The following KCNQ1 variants were observed in gnomAD, a reference collection of about 807,000 sequenced individuals.
KCNQ1 encodes the protein potassium voltage-gated channel subfamily Q member 1.
In KCNQ1, 49 loss-of-function variants were observed where a neutral mutation model predicts 72.4. The observed-to-expected ratio is 0.68, with a 90% CI of 0.54 to 0.86. The LOEUF is 0.86. KCNQ1 is among the 40% of genes least tolerant of loss of function. KCNQ1 has a pLI of 0.00. For synonymous variants in KCNQ1, 450 were observed against 412.6 expected (o/e 1.09, Z -1.10); for missense variants, 790 against 945.1 (o/e 0.84, Z 2.15).
Position 2,710,691 on chromosome 11 carries a change from A to G in KCNQ1, c.1514+48610A>G, listed in dbSNP as rs948678046. Reference sequence around the variant, plus strand: ...TAGGGGTCTAACTTTATTCTTTGTCATGTGGATAGACAGTTATCCCAACAC... The same window carrying G: ...TAGGGGTCTAACTTTATTCTTTGTCGTGTGGATAGACAGTTATCCCAACAC... On this transcript the variant is annotated intron_variant, in intron 11 of 15. Coordinates refer to ENST00000155840, the MANE Select transcript of KCNQ1 (RefSeq NM_000218.3). The surrounding 1 kb of genome is among the most constrained non-coding windows in gnomAD (Gnocchi z 4.1). 1.1e-4 allele frequency among the ~76,000 whole-genome samples: 17 copies of G among 152,314 alleles called. No homozygotes were observed. Among genetic ancestry groups the G allele is most frequent in the South Asian group, 6.2e-4 (3 of 4,830 alleles).
chr11:2,681,767 G>A (rs2133881617), intron 11 of KCNQ1: 1 of 398,510 alleles, frequency 2.5e-6, no homozygotes, highest in Admixed American at 4.4e-5. Context: ...TGGGGGCCCT[G>A]GGACCTGGGA....
At chr11:2,455,593 G>T (rs1261210746) in intron 1 of KCNQ1, among the ~76,000 whole-genome samples, 2 of 152,250 alleles carry the variant, frequency 1.3e-5, no homozygotes, top group African/African-American at 4.8e-5. Context: ...AACATTCCAT[G>T]CTGATGGGTT....
rs539557242 is a variant in KCNQ1 at position 2,550,833 on chromosome 11, C to T, written c.478-19795C>T. 1.8e-4 allele frequency among the ~76,000 whole-genome samples: 27 copies of T among 152,058 alleles called. No individual in the cohort carries two copies. Among genetic ancestry groups the T allele is most frequent in the Admixed American group, 1.3e-3 (20 of 15,284 alleles). On this transcript the variant is annotated intron_variant, in intron 2 of 15. Coordinates refer to ENST00000155840, the MANE Select transcript of KCNQ1 (RefSeq NM_000218.3). This position sits in a 1 kb window ranked among gnomAD's most constrained non-coding sequence, Gnocchi z 6.0. Reference sequence around the variant, plus strand: ...AGGCTTCACCTAGCACCTGGCTCCCCGGGGGCCCAGATGGCAGGCGAGGGG... The same window carrying T: ...AGGCTTCACCTAGCACCTGGCTCCCTGGGGGCCCAGATGGCAGGCGAGGGG...
chr11:2,566,576 C>T lies in KCNQ1; in HGVS notation c.478-4052C>T, dbSNP rs1170841270. 1.3e-5 allele frequency among the ~76,000 whole-genome samples: 2 copies of T among 152,204 alleles called. No individual in the cohort carries two copies. Among genetic ancestry groups the T allele is most frequent in the Non-Finnish European group, 2.9e-5 (2 of 68,034 alleles). On this transcript the variant is annotated intron_variant, in intron 2 of 15. Coordinates refer to ENST00000155840, the MANE Select transcript of KCNQ1 (RefSeq NM_000218.3). This position sits in a 1 kb window ranked among gnomAD's most constrained non-coding sequence, Gnocchi z 6.7. ...GAGGCCCTTTTGTCCATGAAGCCATCTGCAGCCAGGAGGCGGCCTTGCTTT... is the reference window on the plus strand; with the variant it reads ...GAGGCCCTTTTGTCCATGAAGCCATTTGCAGCCAGGAGGCGGCCTTGCTTT...
chr11:2,486,362 G>A lies in KCNQ1; in HGVS notation c.386+40878G>A, dbSNP rs775523129. On this transcript the variant is annotated intron_variant, in intron 1 of 15. Coordinates refer to ENST00000155840, the MANE Select transcript of KCNQ1 (RefSeq NM_000218.3). The surrounding 1 kb of genome is among the most constrained non-coding windows in gnomAD (Gnocchi z 5.0). Reference sequence around the variant, plus strand: ...AATTGAGAGGTTTGTTTTTGCTGTTGAGTTTTAGAACTTCTCTATATATTC... The same window carrying A: ...AATTGAGAGGTTTGTTTTTGCTGTTAAGTTTTAGAACTTCTCTATATATTC... 1.3e-5 allele frequency among the ~76,000 whole-genome samples: 2 copies of A among 152,102 alleles called. No homozygotes were observed. The highest frequency in any genetic ancestry group is 2.9e-5 in the Non-Finnish European group (2 of 68,010).
intron 1 of KCNQ1, among the ~76,000 whole-genome samples, chr11:2,520,224 G>A (rs138253618): frequency 6.6e-6 from 1 of 152,352 alleles, no homozygotes; most frequent in East Asian, 1.9e-4. Context: ...GGGGGCTTCT[G>A]GGGGGCAGCC....
At chr11:2,586,035 A>G (rs1848587294) in intron 8 of KCNQ1, among the ~76,000 whole-genome samples, 1 of 152,216 alleles carries the variant, frequency 6.6e-6, no homozygotes, top group Non-Finnish European at 1.5e-5. Context: ...CTTGTTGGCC[A>G]CTGCAGGGCC....
chr11:2,521,264 G>T (rs758319950), intron 1 of KCNQ1, among the ~76,000 whole-genome samples: 1 of 151,634 alleles, frequency 6.6e-6, no homozygotes, highest in South Asian at 2.1e-4. Flanking sequence ...CCGTGGATCC[G>T]TCCTCCCCAT....
intron 1 of KCNQ1, among the ~76,000 whole-genome samples, chr11:2,519,796 C>T (rs1236162615): frequency 6.6e-6 from 1 of 152,002 alleles, no homozygotes; most frequent in Non-Finnish European, 1.5e-5. Context: ...ACATTGGTTT[C>T]CATCCCTGGA....
Position 2,450,690 on chromosome 11 carries a change from A to G in KCNQ1, c.386+5206A>G, listed in dbSNP as rs1160008014. On this transcript the variant is annotated intron_variant, in intron 1 of 15. Coordinates refer to ENST00000155840, the MANE Select transcript of KCNQ1 (RefSeq NM_000218.3). The surrounding 1 kb of genome is among the most constrained non-coding windows in gnomAD (Gnocchi z 7.9). ...CTGTCTCTCTCCAGCAGCTCCTCCA[A>G]CCACCATGAGAAACCCCAGACCTCA... Among the ~76,000 whole-genome samples the G allele has an allele frequency of 6.6e-6, 1 of 152,020 alleles. No homozygotes were observed. Among genetic ancestry groups the G allele is most frequent in the Non-Finnish European group, 1.5e-5 (1 of 68,014 alleles).
rs1454051377 is a variant in KCNQ1 at position 2,563,924 on chromosome 11, GC to G, written c.478-6703del. Among the ~76,000 whole-genome samples the G allele has an allele frequency of 6.6e-6, 1 of 152,232 alleles. No homozygotes were observed. Among genetic ancestry groups the G allele is most frequent in the African/African-American group, 2.4e-5 (1 of 41,456 alleles). ...AGTCAGTGAAGATTAAGAACTAAAG[GC>G]TCAAGGACAGCTACAGATGACCACA... On this transcript the variant is annotated intron_variant, in intron 2 of 15. Transcript: ENST00000155840. This position sits in a 1 kb window ranked among gnomAD's most constrained non-coding sequence, Gnocchi z 7.4.
At chr11:2,831,832 T>C (rs2134069449) in intron 15 of KCNQ1, among the ~76,000 whole-genome samples, 1 of 151,348 alleles carries the variant, frequency 6.6e-6, no homozygotes, top group African/African-American at 2.4e-5. Context: ...CCCCCAGTGA[T>C]TTCACTTCTC....
chr11:2,848,497 C>T lies in KCNQ1; in HGVS notation c.*494C>T, dbSNP rs777048548. 1.4e-4 allele frequency: 65 copies of T among 455,992 alleles called. No homozygotes were observed. The highest frequency in any genetic ancestry group is 1.2e-3 in the African/African-American group (60 of 50,078). The allele number at this position is 455,992 out of a possible 1,614,324, so 28.2% of individuals were successfully genotyped here. A position where few individuals can be genotyped will look rare whatever the true frequency, so the allele number is the denominator to read the frequency against. On this transcript the variant is annotated 3_prime_UTR_variant, in exon 16 of 16. Transcript: ENST00000155840. The stretch of plus-strand genomic sequence containing the variant: ...CTACAGGGCCGCCGGCAATAAAAGC[C>T]CAGGAGCCCATTTGGAGGGCCTGGG...
At chr11:2,789,464 G>A (rs1846975625) in intron 15 of KCNQ1, among the ~76,000 whole-genome samples, 1 of 152,212 alleles carries the variant, frequency 6.6e-6, no homozygotes, top group Non-Finnish European at 1.5e-5. Context: ...ACACCTCGAC[G>A]CCGCAGCCCC....
chr11:2,609,976 C>T, intron 10 of KCNQ1: 1 of 397,872 alleles, frequency 2.5e-6, no homozygotes, highest in Non-Finnish European at 4.4e-6. Flanking sequence ...ATAATTCCTG[C>T]CTTTGATTAG....
chr11:2,617,631 C>T lies in KCNQ1; in HGVS notation c.1393+28777C>T. 5.0e-6 allele frequency: 2 copies of T among 398,350 alleles called. No homozygotes were observed. The highest frequency in any genetic ancestry group is 4.4e-5 in the Admixed American group (1 of 22,706). The allele number at this position is 398,350 out of a possible 1,614,324, so 24.7% of individuals were successfully genotyped here. A position where few individuals can be genotyped will look rare whatever the true frequency, so the allele number is the denominator to read the frequency against. On this transcript the variant is annotated intron_variant, in intron 10 of 15. Transcript: ENST00000155840. This position sits in a 1 kb window ranked among gnomAD's most constrained non-coding sequence, Gnocchi z 4.6. ...AGTATATTTTCAATTTCTTTAGGAGCCACCATTCTGTTTTTCATTATGACT... is the reference window on the plus strand; with the variant it reads ...AGTATATTTTCAATTTCTTTAGGAGTCACCATTCTGTTTTTCATTATGACT...
At position 2,477,699 on chromosome 11, in the gene KCNQ1, C is replaced by G. The variant is rs1452957731; in HGVS notation, c.386+32215C>G. Among the ~76,000 whole-genome samples the G allele has an allele frequency of 1.3e-5, 2 of 150,744 alleles. No individual in the cohort carries two copies. Among genetic ancestry groups the G allele is most frequent in the Admixed American group, 6.6e-5 (1 of 15,122 alleles). ...GGATTGCCTGAGCTCAGGAGACCAG[C>G]CTGGGTGACATAGTGAGACCCCATC... On this transcript the variant is annotated intron_variant, in intron 1 of 15. Transcript: ENST00000155840. This position sits in a 1 kb window ranked among gnomAD's most constrained non-coding sequence, Gnocchi z 5.0.
Position 2,625,849 on chromosome 11 carries a change from G to A in KCNQ1, c.1394-36112G>A, listed in dbSNP as rs138576215. On this transcript the variant is annotated intron_variant, in intron 10 of 15. Coordinates refer to ENST00000155840, the MANE Select transcript of KCNQ1 (RefSeq NM_000218.3). Reference sequence around the variant, plus strand: ...CTCCCAAAGTACTGGGATTACAGGCGTGAGCCACCGTGCCTGGCCCTTTTG... The same window carrying A: ...CTCCCAAAGTACTGGGATTACAGGCATGAGCCACCGTGCCTGGCCCTTTTG... The A allele has an allele frequency of 1.3e-3, 513 of 398,614 alleles. 1 individual carries two copies. The highest frequency in any genetic ancestry group is 8.7e-3 in the African/African-American group (422 of 48,742). The allele number at this position is 398,614 out of a possible 1,614,324, so 24.7% of individuals were successfully genotyped here.
intron 1 of KCNQ1, among the ~76,000 whole-genome samples, chr11:2,476,520 T>C (rs1846570694): frequency 6.6e-6 from 1 of 152,062 alleles, no homozygotes; most frequent in South Asian, 2.1e-4. Context: ...GAGATAAGAA[T>C]AGAAAATAAT....
Sources: allele counts gnomAD v4.1 joint callset (sites outside exome capture counted in the v4.1 genomes callset), GRCh38; gene constraint gnomAD v4.1.1; non-coding constraint Gnocchi (gnomAD v3.1); transcripts MANE v1.5; gene names NCBI Gene and HGNC (gene_info 2026-07-23, HGNC 2026-07-21).